ADGRE2: variants seen among roughly 807,000 people sequenced by gnomAD.
The protein encoded by ADGRE2 is CD97 antigen.
Under a neutral mutation model 100.8 loss-of-function variants are expected in ADGRE2, and 83 were observed. That is an observed-to-expected ratio of 0.82 (90% confidence interval 0.69 to 0.99). ADGRE2 has a LOEUF of 0.99. Ranked by LOEUF, ADGRE2 falls within the 50% of genes least tolerant of loss-of-function variation. The probability of loss-of-function intolerance (pLI) is 0.00; values close to 1 mark genes in which losing one functional copy is unlikely to be tolerated. For missense variants in ADGRE2, 814 were observed against 1,035.7 expected (o/e 0.79, Z 2.94); for synonymous variants, 355 against 413.0 (o/e 0.86, Z 1.70).
intron 14 of ADGRE2, among the ~76,000 whole-genome samples, chr19:14,753,338 G>A (rs1212930831): frequency 1.3e-5 from 2 of 151,878 alleles, no homozygotes; most frequent in Non-Finnish European, 2.9e-5. Context: ...ACAGGCTGGG[G>A]TAATTACAGG....
chr19:14,759,503 A>ATATATATATATATATATT (rs60789454), intron 11 of ADGRE2, among the ~76,000 whole-genome samples: 2 of 133,372 alleles, frequency 1.5e-5, no homozygotes, highest in East Asian at 2.2e-4. Context: ...ATATATATAT[A>ATATATATATATATATATT]TTTTTTTTTT....
downstream of ADGRE2, chr19:14,731,280 G>C (rs2042669168): frequency 7.9e-7 from 1 of 1,266,266 alleles, no homozygotes; most frequent in Non-Finnish European, 1.1e-6. Context: ...GGGGCTTGAA[G>C]ACTCCAAATC....
intron 4 of ADGRE2, among the ~76,000 whole-genome samples, chr19:14,773,213 G>A (rs111878082): frequency 2.0e-4 from 30 of 148,838 alleles, no homozygotes; most frequent in African/African-American, 7.0e-4. Context: ...TCCTGAGCAC[G>A]CAGCTTCTCT....
At chr19:14,748,105 C>T (rs903806427) in intron 16 of ADGRE2, among the ~76,000 whole-genome samples, 5 of 152,004 alleles carry the variant, frequency 3.3e-5, no homozygotes, top group Non-Finnish European at 5.9e-5. Context: ...CTCTATAGGT[C>T]GTTTATTTAT....
chr19:14,769,888 C>CG (rs2044133319), intron 5 of ADGRE2, among the ~76,000 whole-genome samples: 1 of 151,974 alleles, frequency 6.6e-6, no homozygotes, highest in African/African-American at 2.4e-5. Context: ...GTAGTAGAGA[C>CG]GGGGTTTCAC....
chr19:14,776,982 A>ACACAC (rs2044469274), intron 1 of ADGRE2, 55 bp from the exon 2 acceptor site: 2 of 952,950 alleles, frequency 2.1e-6, no homozygotes, highest in African/African-American at 3.5e-5. Flanking sequence ...CGCTGCACAC[A>ACACAC]CACACACACA....
intron 16 of ADGRE2, among the ~76,000 whole-genome samples, chr19:14,748,493 G>C (rs1288236102): frequency 6.6e-6 from 1 of 152,100 alleles, no homozygotes; most frequent in Admixed American, 6.6e-5. Context: ...ATTTTTAGTA[G>C]AGACGGGGTT....
intron 11 of ADGRE2, among the ~76,000 whole-genome samples, chr19:14,764,033 TCTC>T (rs2043854681): frequency 6.7e-6 from 1 of 149,446 alleles, no homozygotes; most frequent in Non-Finnish European, 1.5e-5. Context: ...TCCTCCTCCT[TCTC>T]TTCTTCTTCT....
At chr19:14,755,288 A>C (rs2058108) in intron 13 of ADGRE2, among the ~76,000 whole-genome samples, 161 bp from the exon 14 acceptor site, 20,956 of 116,654 alleles carry the variant, frequency 0.18, 1,673 homozygotes, top group South Asian at 0.24. Flanking sequence ...AAAAAAAAAA[A>C]AAAAAAATAC....
rs1281904847 is a variant in ADGRE2 at position 14,765,707 on chromosome 19, C to T, written c.732G>A (p.Trp244Ter). 1.2e-6 allele frequency: 2 copies of T among 1,613,444 alleles called. No homozygotes were observed. Among genetic ancestry groups the T allele is most frequent in the African/African-American group, 2.7e-5 (2 of 74,950 alleles). The change falls in exon 8 of 21, where the codon TGG (tryptophan) becomes TGA (stop). Residue 244 changes from tryptophan (W) to a stop codon, truncating the protein, a stop_gained. Transcript: ENST00000315576. LOFTEE classifies it high-confidence loss of function. ...GSYSCRCRPG[W>*]KPRHGIPNNQ... Reference sequence around the variant, plus strand: ...TATTCGGGATTCCGTGTCTGGGCTTCCAGCCTGGGCGGCAGCGGCAGCTGT... The same window carrying T: ...TATTCGGGATTCCGTGTCTGGGCTTTCAGCCTGGGCGGCAGCGGCAGCTGT...
downstream of ADGRE2, among the ~76,000 whole-genome samples, chr19:14,730,156 G>T (rs2147049630): frequency 6.6e-6 from 1 of 152,320 alleles, no homozygotes; most frequent in South Asian, 2.1e-4. Flanking sequence ...AGGTTCAAGT[G>T]ATTCTTCTGC....
chr19:14,748,909 C>T (rs1242881480), intron 16 of ADGRE2, among the ~76,000 whole-genome samples: 1 of 151,958 alleles, frequency 6.6e-6, no homozygotes, highest in African/African-American at 2.4e-5. Flanking sequence ...CGACCAAGTC[C>T]TGCAACATAT....
In ADGRE2 at chr19:14,743,410, G is replaced by A. The variant is rs375661729; in HGVS notation, c.2463+10C>T. On this transcript the variant is annotated intron_variant, in intron 20 of 20. Transcript: ENST00000315576. Reference sequence around the variant, plus strand: ...TTAGTGAAGTGCTCTGGAGCAATGCGTGATCTTACCGTGCTGGGTTTGGAG... The same window carrying A: ...TTAGTGAAGTGCTCTGGAGCAATGCATGATCTTACCGTGCTGGGTTTGGAG... The A allele has an allele frequency of 9.9e-6, 16 of 1,610,384 alleles. No homozygotes were observed. Among genetic ancestry groups the A allele is most frequent in the South Asian group, 6.6e-5 (6 of 91,010 alleles).
intron 11 of ADGRE2, among the ~76,000 whole-genome samples, chr19:14,764,134 T>A (rs751176973): frequency 1.2e-4 from 19 of 152,030 alleles, no homozygotes; most frequent in Non-Finnish European, 2.1e-4. Flanking sequence ...GCAATCATAG[T>A]TCACTGCAGA....
Position 14,772,358 on chromosome 19 carries a change from G to C in ADGRE2, c.339C>G (p.Ser113Arg), listed in dbSNP as rs749211671. 1 of 1,614,036 alleles carries C rather than the reference G, an allele frequency of 6.2e-7. No homozygotes were observed. The highest frequency in any genetic ancestry group is 1.7e-5 in the Admixed American group (1 of 59,974). The change falls in exon 5 of 21, where the codon AGC (serine) becomes AGG (arginine). Residue 113 changes from serine to arginine, a missense_variant. By Grantham distance (110) the Ser-to-Arg change is moderately radical. This residue lies in a region of ADGRE2 where 143 missense variants were observed against 160.3 expected (regional missense o/e 0.89). Transcript: ENST00000315576. ...VSGAKTFKNE[S>R]ENTCQDVDEC... ...GGTTCTTACCTTGACACGTGTTCTCGCTCTCATTCTTGAATGTTTTTGCCC... is the reference window on the plus strand; with the variant it reads ...GGTTCTTACCTTGACACGTGTTCTCCCTCTCATTCTTGAATGTTTTTGCCC...
rs61744931 is a variant in ADGRE2 at position 14,765,383 on chromosome 19, G to T, written c.843C>A (p.Phe281Leu). The change falls in exon 10 of 21, where the codon TTC becomes TTA. Residue 281 changes from phenylalanine to leucine, a missense_variant. Transcript: ENST00000315576. ...TGCCCAGGTCCTGGACTTTGTCGAA[G>T]AATCGGGAAAGCGTCTGCAGAGAGA... ...PGVHSQTLSRFFDKVQDLGRD... is the reference protein window; with the variant it reads ...PGVHSQTLSRLFDKVQDLGRD... The T allele has an allele frequency of 5.0e-3, 8,140 of 1,613,950 alleles. 309 individuals are homozygous for T. The African/African-American group carries it at 0.099, about 20-fold the overall frequency.
At chr19:14,748,459 C>T (rs1453063187) in intron 16 of ADGRE2, among the ~76,000 whole-genome samples, 1 of 152,128 alleles carries the variant, frequency 6.6e-6, no homozygotes, top group Non-Finnish European at 1.5e-5. Flanking sequence ...CAGGCACCCA[C>T]GACCACGCCC....
Position 14,776,796 on chromosome 19 carries a change from A to T in ADGRE2, c.-40T>A. On this transcript the variant is annotated 5_prime_UTR_variant, in exon 2 of 21. Coordinates refer to ENST00000315576, the MANE Select transcript of ADGRE2 (RefSeq NM_013447.4). ...TGCCGGCAGGAGCAGCAGGGGAAAG[A>T]GTGAGTGGGACAGGGCTGTCCCGTC... 2 of 1,611,682 alleles carry T rather than the reference A, an allele frequency of 1.2e-6. No individual in the cohort carries two copies. Among genetic ancestry groups the T allele is most frequent in the Middle Eastern group, 1.7e-4 (1 of 6,056 alleles).
chr19:14,756,648 C>T (rs966773662), intron 11 of ADGRE2, among the ~76,000 whole-genome samples: 1 of 152,166 alleles, frequency 6.6e-6, no homozygotes, highest in Non-Finnish European at 1.5e-5. Flanking sequence ...GACCAGATGA[C>T]TTCACTGGTG....
Sources: gnomAD v4.1 joint callset for allele counts (sites outside exome capture counted in the v4.1 genomes callset) on GRCh38, gnomAD v4.1.1 for gene constraint, gnomAD v4.1.1 regional missense constraint, MANE v1.5 for transcripts, NCBI Gene and HGNC (gene_info 2026-07-23, HGNC 2026-07-21) for gene names.